Variants in ITGBL1 observed in about 807,000 individuals in gnomAD.
The protein encoded by ITGBL1 is integrin subunit beta like 1.
A neutral mutation model predicts 68.5 loss-of-function variants in ITGBL1; 51 were observed. The ratio of observed to expected loss-of-function variants is 0.74; its 90% CI spans 0.59 to 0.94. The LOEUF is 0.94. Among genes scored for constraint, ITGBL1 ranks in the 40% least tolerant of loss-of-function variants. The pLI is 0.00. For synonymous variants in ITGBL1, 209 were observed against 227.3 expected, an observed-to-expected ratio of 0.92 and a Z score of 0.72; for missense variants, 649 against 647.4, an observed-to-expected ratio of 1.00 and a Z score of -0.03.
chr13:101,489,639 G>A (rs1015448305), intron 2 of ITGBL1, among the ~76,000 whole-genome samples: 4 of 152,174 alleles, frequency 2.6e-5, no homozygotes, highest in Non-Finnish European at 5.9e-5. Context: ...AAGAGTGAAT[G>A]TAAATAATGC....
chr13:101,544,858 G>A (rs190783468), intron 2 of ITGBL1, among the ~76,000 whole-genome samples: 13 of 152,314 alleles, frequency 8.5e-5, no homozygotes, highest in Non-Finnish European at 1.3e-4. Flanking sequence ...CAAGTCAGGC[G>A]CGAGATATAA....
At chr13:101,700,164 CCTCA>C (rs1446188188) in intron 8 of ITGBL1, among the ~76,000 whole-genome samples, 1 of 152,184 alleles carries the variant, frequency 6.6e-6, no homozygotes. Flanking sequence ...GCTTACTTGA[CCTCA>C]CTATCTCATT....
intron 2 of ITGBL1, 128 bp from the exon 3 acceptor site, chr13:101,567,571 C>T (rs574296164): frequency 3.5e-5 from 26 of 750,264 alleles, no homozygotes; most frequent in South Asian, 1.5e-4. Flanking sequence ...TCAGCCACTG[C>T]GATATACATG....
chr13:101,526,486 T>C (rs1485100889), intron 2 of ITGBL1, among the ~76,000 whole-genome samples: 2 of 152,068 alleles, frequency 1.3e-5, no homozygotes, highest in African/African-American at 4.8e-5. Context: ...AGATACACCA[T>C]AGAATAGTAT....
rs145802462 is a variant in ITGBL1, at chr13:101,506,962, T to C, written c.316+52862T>C. On this transcript the variant is annotated intron_variant, in intron 2 of 10. Coordinates refer to ENST00000376180, the MANE Select transcript of ITGBL1 (RefSeq NM_004791.3). Reference sequence around the variant, plus strand: ...CTTTTGTGTATGAGGAAAGGAAATATAAAGACATTGGGGAAGATCTGGGAG... The same window carrying C: ...CTTTTGTGTATGAGGAAAGGAAATACAAAGACATTGGGGAAGATCTGGGAG... 7.2e-5 allele frequency among the ~76,000 whole-genome samples: 11 copies of C among 152,108 alleles called. No homozygotes were observed. The East Asian group carries it at 2.1e-3, about 29-fold the overall frequency.
intron 1 of ITGBL1, 113 bp from the exon 2 acceptor site, chr13:101,453,769 TC>T: frequency 5.1e-6 from 3 of 584,496 alleles, no homozygotes; most frequent in African/African-American, 2.0e-5. Context: ...GGCGTCCTGT[TC>T]TTGGGGTTGT....
intron 7 of ITGBL1, among the ~76,000 whole-genome samples, chr13:101,607,070 A>T (rs577838803): frequency 1.0e-3 from 156 of 151,730 alleles, no homozygotes; most frequent in Middle Eastern, 3.2e-3. Context: ...AGGTCTAAAA[A>T]AACCATGCAT....
intron 2 of ITGBL1, among the ~76,000 whole-genome samples, chr13:101,490,264 C>G (rs187740593): frequency 1.3e-5 from 2 of 152,286 alleles, no homozygotes; most frequent in Non-Finnish European, 2.9e-5. Context: ...CATCTGCAAG[C>G]CAGGAAGAGA....
chr13:101,636,252 C>T (rs2032166430), intron 7 of ITGBL1, among the ~76,000 whole-genome samples: 1 of 152,094 alleles, frequency 6.6e-6, no homozygotes, highest in African/African-American at 2.4e-5. Context: ...CTACTGCAGA[C>T]ACTTTCAGGA....
chr13:101,495,337 T>C (rs1237751147), intron 2 of ITGBL1, among the ~76,000 whole-genome samples: 1 of 152,154 alleles, frequency 6.6e-6, no homozygotes, highest in Non-Finnish European at 1.5e-5. Flanking sequence ...GAATTCACAT[T>C]TGTTTCCCAG....
chr13:101,667,839 C>T (rs2033259664), intron 7 of ITGBL1, among the ~76,000 whole-genome samples: 1 of 150,714 alleles, frequency 6.6e-6, no homozygotes, highest in Non-Finnish European at 1.5e-5. Context: ...GCCAGAAATC[C>T]TTTAAGGAAT....
intron 2 of ITGBL1, 90 bp downstream of exon 2, chr13:101,454,190 C>T: frequency 2.3e-6 from 2 of 876,568 alleles, no homozygotes; most frequent in Non-Finnish European, 3.2e-6. Context: ...AGGGTGGGGA[C>T]ACGCCTCCCT....
chr13:101,684,714 A>G (rs2033717113), intron 7 of ITGBL1, among the ~76,000 whole-genome samples: 1 of 151,892 alleles, frequency 6.6e-6, no homozygotes, highest in Non-Finnish European at 1.5e-5. Flanking sequence ...TCTACCGACA[A>G]AGACATCTAG....
chr13:101,543,012 A>G (rs1416344731), intron 2 of ITGBL1, among the ~76,000 whole-genome samples: 7 of 152,040 alleles, frequency 4.6e-5, no homozygotes, highest in African/African-American at 1.7e-4. Context: ...TCTTTATCCA[A>G]TTTGCCAGTC....
At chr13:101,627,842 A>G (rs1405345163) in intron 7 of ITGBL1, among the ~76,000 whole-genome samples, 4 of 152,184 alleles carry the variant, frequency 2.6e-5, no homozygotes, top group African/African-American at 9.7e-5. Context: ...TTATTTAACC[A>G]TTCACCTACT....
At chr13:101,609,343 G>C (rs2031018849) in intron 7 of ITGBL1, among the ~76,000 whole-genome samples, 1 of 151,986 alleles carries the variant, frequency 6.6e-6, no homozygotes, top group African/African-American at 2.4e-5. Flanking sequence ...TTTCTGTGTT[G>C]GGACATTGTG....
chr13:101,639,292 CAA>C (rs1322356201), intron 7 of ITGBL1, among the ~76,000 whole-genome samples: 2 of 152,086 alleles, frequency 1.3e-5, no homozygotes, highest in Non-Finnish European at 2.9e-5. Flanking sequence ...TTCCCTGAGA[CAA>C]AGTTTTCTTT....
intron 2 of ITGBL1, among the ~76,000 whole-genome samples, chr13:101,539,158 C>T (rs112958276): frequency 0.033 from 4,779 of 144,442 alleles, 119 homozygotes; most frequent in Non-Finnish European, 0.052. Context: ...CCCATTAACT[C>T]GTCATTTAGC....
chr13:101,714,729 C>T (rs1200236326), intron 10 of ITGBL1, 178 bp downstream of exon 10: 3 of 590,276 alleles, frequency 5.1e-6, no homozygotes, highest in Non-Finnish European at 9.1e-6. Context: ...CACATTATTC[C>T]TAGGCATAGA....
Sources: gnomAD v4.1 joint callset for allele counts (sites outside exome capture counted in the v4.1 genomes callset) on GRCh38, gnomAD v4.1.1 for gene constraint, MANE v1.5 for transcripts, NCBI Gene and HGNC (gene_info 2026-07-23, HGNC 2026-07-21) for gene names.